Variants in DNAJC13 observed in about 807,000 individuals in gnomAD.
DNAJC13 encodes the protein dnaJ homolog subfamily C member 13.
In DNAJC13, 75 loss-of-function variants were observed where a neutral mutation model predicts 290.5. That is an observed-to-expected ratio of 0.26 (90% CI 0.21 to 0.31). The LOEUF (loss-of-function observed/expected upper bound fraction) is 0.31, where lower values mean the gene tolerates loss of function less well. Ranked by LOEUF, DNAJC13 falls within the 10% of genes least tolerant of loss-of-function variation. DNAJC13 has a pLI of 1.00. For synonymous variants in DNAJC13, 862 were observed against 892.0 expected, an observed-to-expected ratio of 0.97 and a Z score of 0.60; for missense variants, 2,260 against 2,674.5, an observed-to-expected ratio of 0.85 and a Z score of 3.42.
rs1195719349 is a variant in DNAJC13 at position 132,433,736 on chromosome 3, G to A, written c.-13-802G>A. On this transcript the variant is annotated intron_variant, in intron 1 of 55. Coordinates refer to ENST00000260818, the MANE Select transcript of DNAJC13 (RefSeq NM_015268.4). ...CCATTGTGTGCCATGGCATTATTTG[G>A]CAATGTCAGATTTAAAGCTTTATTT... Among the ~76,000 whole-genome samples, 3 of 152,158 alleles carry A rather than the reference G, an allele frequency of 2.0e-5. No homozygotes were observed. The East Asian group carries it at 5.8e-4, about 29-fold the overall frequency.
intron 9 of DNAJC13, among the ~76,000 whole-genome samples, chr3:132,454,902 G>A (rs907101947): frequency 6.6e-6 from 1 of 152,132 alleles, no homozygotes. Context: ...GCCGTAGGAA[G>A]AAGGTCCTCT....
At chr3:132,461,020 T>C in intron 14 of DNAJC13, 30 bp from the exon 15 acceptor site, 1 of 1,601,162 alleles carries the variant, frequency 6.2e-7, no homozygotes, top group Non-Finnish European at 8.5e-7. Context: ...ATCTCTTAAG[T>C]CTTTAAGAGA....
chr3:132,495,251 G>A lies in DNAJC13; in HGVS notation c.4020+85G>A, dbSNP rs1935200308. 4.0e-6 allele frequency: 4 copies of A among 998,260 alleles called. No individual in the cohort carries two copies. The Admixed American group carries it at 5.8e-5, about 15-fold the overall frequency. 61.8% of individuals were successfully genotyped at this position (998,260 alleles called of 1,614,324 possible). A position where few individuals can be genotyped will look rare whatever the true frequency, so the allele number is the denominator to read the frequency against. ...TGGAGAAAAGTATATTACCTTCTGT[G>A]CCAGTATCTGCCTCATAATATATAC... On this transcript the variant is annotated intron_variant, in intron 35 of 55. Transcript: ENST00000260818.
intron 3 of DNAJC13, 98 bp downstream of exon 3, chr3:132,446,648 G>A (rs1348987522): frequency 2.8e-6 from 2 of 724,438 alleles, no homozygotes; most frequent in Non-Finnish European, 4.5e-6. Flanking sequence ...AGTACTTGAA[G>A]ATAGAAATGT....
At chr3:132,430,508 A>T (rs16839247) in intron 1 of DNAJC13, among the ~76,000 whole-genome samples, 4,857 of 151,940 alleles carry the variant, frequency 0.032, 250 homozygotes, top group African/African-American at 0.1. Flanking sequence ...CCTTAATTTT[A>T]TCAACCAGTC....
At chr3:132,530,972 T>G (rs182498916) in intron 54 of DNAJC13, 26 bp from the exon 55 acceptor site, 33 of 1,599,546 alleles carry the variant, frequency 2.1e-5, no homozygotes, top group Non-Finnish European at 2.5e-5. Context: ...GATTTTATGT[T>G]CAAAGGGCTT....
intron 3 of DNAJC13, 99 bp downstream of exon 3, chr3:132,446,649 A>G: frequency 4.1e-6 from 3 of 723,822 alleles, no homozygotes; most frequent in Non-Finnish European, 4.5e-6. Flanking sequence ...GTACTTGAAG[A>G]TAGAAATGTC....
At chr3:132,473,748 A>G (rs1934367384) in intron 21 of DNAJC13, among the ~76,000 whole-genome samples, 1 of 152,188 alleles carries the variant, frequency 6.6e-6, no homozygotes, top group Non-Finnish European at 1.5e-5. Context: ...AAGCTTCTTT[A>G]AGATAACTCA....
chr3:132,522,558 GA>G (rs1010213200), intron 48 of DNAJC13, among the ~76,000 whole-genome samples: 1 of 152,118 alleles, frequency 6.6e-6, no homozygotes, highest in African/African-American at 2.4e-5. Flanking sequence ...GGCAGGGGGT[GA>G]AAATGAAACT....
intron 39 of DNAJC13, 82 bp downstream of exon 39, chr3:132,500,995 C>T (rs571449180): frequency 4.2e-5 from 62 of 1,460,928 alleles, no homozygotes; most frequent in Non-Finnish European, 5.4e-5. Flanking sequence ...TGTATAAGCA[C>T]ATTGTTTTCC....
rs188807025 is a variant in DNAJC13, at chr3:132,422,875, C to T, written c.-14+5115C>T. On this transcript the variant is annotated intron_variant, in intron 1 of 55. Transcript: ENST00000260818. ...AGTCAGTGGAATTTTACAGTTTAAG[C>T]ACTCAAGTTGCCCTTAGAAGAACAC... Among the ~76,000 whole-genome samples the T allele has an allele frequency of 7.8e-4, 119 of 152,298 alleles. No homozygotes were observed. In the Middle Eastern group the frequency reaches 0.014, roughly 17 times the overall value.
chr3:132,471,625 C>G (rs1934263296), intron 20 of DNAJC13, among the ~76,000 whole-genome samples: 1 of 134,324 alleles, frequency 7.4e-6, no homozygotes, highest in Admixed American at 7.4e-5. Context: ...AGGGCAGAGG[C>G]GCTCCCCACA....
At chr3:132,440,384 G>T (rs915343403) in intron 2 of DNAJC13, among the ~76,000 whole-genome samples, 4 of 152,244 alleles carry the variant, frequency 2.6e-5, no homozygotes, top group African/African-American at 9.6e-5. Flanking sequence ...AATAGGAATA[G>T]CTAACATTTA....
intron 28 of DNAJC13, among the ~76,000 whole-genome samples, chr3:132,484,005 G>A (rs1934771109): frequency 6.6e-6 from 1 of 152,140 alleles, no homozygotes. Flanking sequence ...AAGTCATAAG[G>A]ATAACACTTG....
At position 132,456,260 on chromosome 3, in the gene DNAJC13, G is replaced by C; in HGVS notation, c.958G>C (p.Asp320His). Residue 320 changes from aspartate to histidine, a missense_variant, in exon 10 of 56, where the codon GAT becomes CAT. Transcript: ENST00000260818. ...AGATTCCTTATTAGCAAGTTTGCTG[G>C]ATGGAGTAAGAGCCTCTGGTAATAG... ...ERDSLLASLL[D>H]GVRASGNRDV... 1 of 1,613,334 alleles carries C rather than the reference G, an allele frequency of 6.2e-7. No individual in the cohort carries two copies. The highest frequency in any genetic ancestry group is 8.5e-7 in the Non-Finnish European group (1 of 1,179,692).
chr3:132,445,553 T>G (rs1933218429), intron 2 of DNAJC13, among the ~76,000 whole-genome samples: 1 of 152,212 alleles, frequency 6.6e-6, no homozygotes, highest in South Asian at 2.1e-4. Context: ...TTCTTCTGTC[T>G]TGAAATCATT....
chr3:132,464,176 G>GA (rs960326456), intron 17 of DNAJC13, among the ~76,000 whole-genome samples: 1 of 152,142 alleles, frequency 6.6e-6, no homozygotes, highest in Admixed American at 6.5e-5. Context: ...GACCCCATGG[G>GA]AAAACCTCAC....
At chr3:132,507,453 G>T (rs905338515) in intron 43 of DNAJC13, 100 bp downstream of exon 43, 5 of 723,588 alleles carry the variant, frequency 6.9e-6, no homozygotes, top group Admixed American at 2.6e-5. Flanking sequence ...TCATTTTATT[G>T]CACTTTCTTT....
At chr3:132,477,725 A>G in intron 22 of DNAJC13, 64 bp from the exon 23 acceptor site, 1 of 1,140,512 alleles carries the variant, frequency 8.8e-7, no homozygotes, top group Non-Finnish European at 1.3e-6. Flanking sequence ...ATAAGAAACA[A>G]TTATTAGAAA....
Sources: gnomAD v4.1 joint callset for allele counts (sites outside exome capture counted in the v4.1 genomes callset) on GRCh38, gnomAD v4.1.1 for gene constraint, MANE v1.5 for transcripts, NCBI Gene and HGNC (gene_info 2026-07-23, HGNC 2026-07-21) for gene names.